The following MGAT4C variants were observed in gnomAD, a reference collection of about 807,000 sequenced individuals.
MGAT4C encodes the protein alpha-1,3-mannosyl-glycoprotein 4-beta-N-acetylglucosaminyltransferase C.
MGAT4C carries 19 observed loss-of-function variants against 40.1 expected under a neutral mutation model. That is an observed-to-expected ratio of 0.47 (90% CI 0.33 to 0.70). The LOEUF is 0.70. Among genes scored for constraint, MGAT4C ranks in the 30% least tolerant of loss-of-function variants. The pLI is 0.02. For missense variants in MGAT4C, 491 were observed against 563.2 expected (o/e 0.87, Z 1.30); for synonymous variants, 181 against 187.1 (o/e 0.97, Z 0.27).
intron 2 of MGAT4C, among the ~76,000 whole-genome samples, chr12:86,616,043 G>C (rs1018383943): frequency 1.3e-4 from 20 of 152,098 alleles, no homozygotes; most frequent in African/African-American, 4.3e-4. Context: ...TAGTATTCAA[G>C]CTCATAAACT....
intron 1 of MGAT4C, among the ~76,000 whole-genome samples, chr12:86,182,052 A>G (rs1888191872): frequency 6.6e-6 from 1 of 152,136 alleles, no homozygotes; most frequent in Non-Finnish European, 1.5e-5. Flanking sequence ...ATATTAAAAT[A>G]CTTTTCTAAT....
chr12:85,996,218 T>C (rs1440185648), intron 2 of MGAT4C, among the ~76,000 whole-genome samples: 1 of 152,126 alleles, frequency 6.6e-6, no homozygotes. Flanking sequence ...AAAAAGGCTA[T>C]CATAAATATG....
At chr12:86,747,627 C>T (rs1421925889) in intron 1 of MGAT4C, among the ~76,000 whole-genome samples, 1 of 151,560 alleles carries the variant, frequency 6.6e-6, no homozygotes, top group Admixed American at 6.6e-5. Flanking sequence ...GAGCAAATTT[C>T]ACTATAGTTT....
intron 3 of MGAT4C, among the ~76,000 whole-genome samples, chr12:86,387,219 T>C (rs1233481375): frequency 6.6e-6 from 1 of 152,110 alleles, no homozygotes; most frequent in Non-Finnish European, 1.5e-5. Flanking sequence ...AATGAAAATT[T>C]TACTGCATAC....
At chr12:86,612,256 A>G (rs912079187) in intron 2 of MGAT4C, among the ~76,000 whole-genome samples, 4 of 151,976 alleles carry the variant, frequency 2.6e-5, no homozygotes, top group Non-Finnish European at 2.9e-5. Flanking sequence ...AATGATCCCC[A>G]TATACTTATT....
intron 1 of MGAT4C, among the ~76,000 whole-genome samples, chr12:86,176,791 AG>A (rs1316378194): frequency 6.7e-6 from 1 of 148,942 alleles, no homozygotes; most frequent in Non-Finnish European, 1.5e-5. Context: ...ATCCTTTTTT[AG>A]GGTGAGGCCA....
chr12:86,086,807 T>G (rs1871936689), intron 1 of MGAT4C, among the ~76,000 whole-genome samples: 1 of 152,080 alleles, frequency 6.6e-6, no homozygotes, highest in African/African-American at 2.4e-5. Context: ...TGTCATACCC[T>G]CTTTACCCTC....
At chr12:86,467,773 T>G (rs1320101428) in intron 2 of MGAT4C, among the ~76,000 whole-genome samples, 1 of 152,144 alleles carries the variant, frequency 6.6e-6, no homozygotes, top group Non-Finnish European at 1.5e-5. Context: ...TTTTTTACTC[T>G]CTTTAGATAA....
chr12:86,625,311 G>C (rs1276471774), intron 2 of MGAT4C, among the ~76,000 whole-genome samples: 1 of 152,044 alleles, frequency 6.6e-6, no homozygotes, highest in Non-Finnish European at 1.5e-5. Flanking sequence ...GTCTTGAGTA[G>C]TATTTTTATT....
chr12:86,360,584 A>T (rs1955440164), intron 3 of MGAT4C, among the ~76,000 whole-genome samples: 1 of 152,092 alleles, frequency 6.6e-6, no homozygotes, highest in Admixed American at 6.6e-5. Context: ...TATTTAGAAA[A>T]CCCCATCGTC....
intron 4 of MGAT4C, among the ~76,000 whole-genome samples, chr12:86,276,543 G>C (rs900794219): frequency 6.6e-6 from 1 of 151,602 alleles, no homozygotes; most frequent in South Asian, 2.1e-4. Flanking sequence ...TTTATTTTTT[G>C]TACTCATTAA....
chr12:86,739,133 CAAAAAAAAAAA>C lies in MGAT4C; in HGVS notation c.-261-11903_-261-11893del, dbSNP rs59869666. On this transcript the variant is annotated intron_variant, in intron 1 of 7. Coordinates refer to the MGAT4C transcript ENST00000548651. ...TTTAATTCAGCTATGTTTCCCTGTG[CAAAAAAAAAAA>C]AAAAAAAAAAAAAAAAAAATCTATG... 2.0e-4 allele frequency among the ~76,000 whole-genome samples: 8 copies of C among 39,788 alleles called. No homozygotes were observed. In the South Asian group the frequency reaches 4.8e-3, roughly 24 times the overall value. The allele number at this position is 39,788 out of a possible 152,430, so 26.1% of individuals were successfully genotyped here. A position where few individuals can be genotyped will look rare whatever the true frequency, so the allele number is the denominator to read the frequency against.
intron 3 of MGAT4C, among the ~76,000 whole-genome samples, chr12:86,339,725 C>A (rs1032618384): frequency 6.6e-6 from 1 of 152,114 alleles, no homozygotes; most frequent in African/African-American, 2.4e-5. Context: ...TATATACACA[C>A]ACACCTACAC....
At chr12:86,067,882 G>A (rs982398512) in intron 1 of MGAT4C, among the ~76,000 whole-genome samples, 1 of 152,056 alleles carries the variant, frequency 6.6e-6, no homozygotes, top group Non-Finnish European at 1.5e-5. Flanking sequence ...AAATTTTCTT[G>A]ACATGCAGAG....
Position 86,018,065 on chromosome 12 carries a change from G to A in MGAT4C, c.-6-28513C>T, listed in dbSNP as rs77973441. Among the ~76,000 whole-genome samples, 1,227 of 152,130 alleles carry A rather than the reference G, an allele frequency of 8.1e-3. 14 individuals carry two copies. The highest frequency in any genetic ancestry group is 0.028 in the African/African-American group (1,167 of 41,524). ...TGTGCATGTAATCACAAATTCCTCC[G>A]GTTTCTGGAGTGTTACTTGGACTAC... On this transcript the variant is annotated intron_variant, in intron 2 of 4. Coordinates refer to ENST00000611864, the MANE Select transcript of MGAT4C (RefSeq NM_001351288.2).
chr12:86,236,884 G>T (rs1395776377), intron 1 of MGAT4C, among the ~76,000 whole-genome samples: 1 of 151,790 alleles, frequency 6.6e-6, no homozygotes, highest in Non-Finnish European at 1.5e-5. Context: ...AGGTCCTAAA[G>T]ATGATTTCAA....
intron 4 of MGAT4C, among the ~76,000 whole-genome samples, chr12:86,297,780 A>G (rs2136136149): frequency 6.6e-6 from 1 of 152,322 alleles, no homozygotes; most frequent in East Asian, 1.9e-4. Flanking sequence ...AGGATCGTTC[A>G]TCCTATCTAT....
At chr12:86,305,127 C>A (rs1256598059) in intron 4 of MGAT4C, among the ~76,000 whole-genome samples, 3 of 150,558 alleles carry the variant, frequency 2.0e-5, no homozygotes, top group Admixed American at 1.3e-4. Flanking sequence ...TCCAACACTT[C>A]ACTTGAATAG....
chr12:86,339,976 T>A (rs1954875140), intron 3 of MGAT4C, among the ~76,000 whole-genome samples: 1 of 152,210 alleles, frequency 6.6e-6, no homozygotes. Context: ...ATCTAGATAT[T>A]GCAACTTCTC....
Sources: gnomAD v4.1 joint callset for allele counts (sites outside exome capture counted in the v4.1 genomes callset) on GRCh38, gnomAD v4.1.1 for gene constraint, MANE v1.5 for transcripts, NCBI Gene and HGNC (gene_info 2026-07-23, HGNC 2026-07-21) for gene names.